The following VAT1L variants were observed in gnomAD, a reference collection of about 807,000 sequenced individuals.
VAT1L encodes the protein putative NADPH-dependent quinone oxidoreductase VAT1L.
A neutral mutation model predicts 44.1 loss-of-function variants in VAT1L; 34 were observed. The ratio of observed to expected loss-of-function variants is 0.77; its 90% CI spans 0.59 to 1.03. VAT1L has a LOEUF of 1.03. VAT1L is among the 50% of genes least tolerant of loss of function. The pLI, the probability that VAT1L is intolerant of heterozygous loss-of-function variation, is 0.00. For missense variants in VAT1L, 615 were observed against 538.8 expected, an observed-to-expected ratio of 1.14 and a Z score of -1.40; for synonymous variants, 253 against 202.2, an observed-to-expected ratio of 1.25 and a Z score of -2.13.
At chr16:77,880,010 G>C (rs1195526312) in intron 6 of VAT1L, among the ~76,000 whole-genome samples, 1 of 152,136 alleles carries the variant, frequency 6.6e-6, no homozygotes, top group Non-Finnish European at 1.5e-5. Flanking sequence ...ACAAGCTCAT[G>C]AACCACTCTC....
chr16:77,790,051 T>G (rs1366774865), intron 1 of VAT1L, among the ~76,000 whole-genome samples: 2 of 152,194 alleles, frequency 1.3e-5, no homozygotes, highest in Non-Finnish European at 2.9e-5. Flanking sequence ...GCTCACGAGC[T>G]TCTAGGTTAG....
intron 7 of VAT1L, among the ~76,000 whole-genome samples, chr16:77,908,038 A>G (rs143206073): frequency 1.1e-3 from 165 of 152,300 alleles, no homozygotes; most frequent in African/African-American, 3.8e-3. Context: ...CAGGAGATTG[A>G]GACCATCCTG....
chr16:77,902,427 T>C (rs1361699242), intron 7 of VAT1L, among the ~76,000 whole-genome samples: 1 of 152,192 alleles, frequency 6.6e-6, no homozygotes, highest in Non-Finnish European at 1.5e-5. Flanking sequence ...ATTCAGTCAC[T>C]AAGTATTCTT....
At chr16:77,903,197 T>G (rs2017402949) in intron 7 of VAT1L, among the ~76,000 whole-genome samples, 1 of 151,750 alleles carries the variant, frequency 6.6e-6, no homozygotes, top group Non-Finnish European at 1.5e-5. Context: ...TGAACCGGAG[T>G]TTTCTCACCT....
intron 7 of VAT1L, among the ~76,000 whole-genome samples, chr16:77,927,961 G>C (rs761164550): frequency 2.0e-4 from 31 of 152,138 alleles, no homozygotes; most frequent in Non-Finnish European, 3.2e-4. Context: ...CTCTCTTTCT[G>C]CATGGAAATC....
At chr16:77,837,155 A>G (rs188816500) in intron 3 of VAT1L, among the ~76,000 whole-genome samples, 14 of 152,242 alleles carry the variant, frequency 9.2e-5, no homozygotes, top group African/African-American at 1.2e-4. Context: ...AGTGAGATGG[A>G]AGGGATTTCA....
chr16:77,951,990 C>T (rs1264197116), intron 7 of VAT1L, among the ~76,000 whole-genome samples: 2 of 152,026 alleles, frequency 1.3e-5, no homozygotes, highest in South Asian at 2.1e-4. Flanking sequence ...TCCTAAAGGA[C>T]GTTTCAGGAA....
intron 1 of VAT1L, among the ~76,000 whole-genome samples, chr16:77,812,558 A>G (rs1179276414): frequency 6.6e-6 from 1 of 152,178 alleles, no homozygotes; most frequent in Non-Finnish European, 1.5e-5. Flanking sequence ...CTGAGGCTCA[A>G]TGTTCACATC....
intron 1 of VAT1L, among the ~76,000 whole-genome samples, chr16:77,815,759 G>T (rs1190409133): frequency 6.6e-6 from 1 of 151,716 alleles, no homozygotes; most frequent in African/African-American, 2.4e-5. Context: ...ACCTGAGTTA[G>T]GAGTTTGAGA....
At chr16:77,918,687 G>C (rs1400301295) in intron 7 of VAT1L, among the ~76,000 whole-genome samples, 1 of 152,262 alleles carries the variant, frequency 6.6e-6, no homozygotes, top group African/African-American at 2.4e-5. Context: ...CCCGGAAACT[G>C]TAAGTTTAAT....
chr16:77,809,263 A>G (rs2016221642), intron 1 of VAT1L, among the ~76,000 whole-genome samples: 1 of 152,232 alleles, frequency 6.6e-6, no homozygotes, highest in Non-Finnish European at 1.5e-5. Flanking sequence ...ACTCAACACC[A>G]TGCCTGATAC....
At chr16:77,796,835 A>G (rs1050587508) in intron 1 of VAT1L, among the ~76,000 whole-genome samples, 5 of 152,208 alleles carry the variant, frequency 3.3e-5, no homozygotes, top group Non-Finnish European at 5.9e-5. Flanking sequence ...GCAGCAACAT[A>G]GATGGAGATG....
chr16:77,938,833 TA>T (rs2017837816), intron 7 of VAT1L, among the ~76,000 whole-genome samples: 1 of 152,108 alleles, frequency 6.6e-6, no homozygotes, highest in African/African-American at 2.4e-5. Context: ...GGAAAGAAAA[TA>T]AGCAATAAAC....
At chr16:77,875,974 C>T (rs548987099) in intron 4 of VAT1L, among the ~76,000 whole-genome samples, 1 of 152,242 alleles carries the variant, frequency 6.6e-6, no homozygotes, top group Non-Finnish European at 1.5e-5. Flanking sequence ...TAGGAGTTGC[C>T]TGAGCCTCCC....
chr16:77,956,786 C>A (rs1025993238), intron 7 of VAT1L, among the ~76,000 whole-genome samples: 2 of 152,172 alleles, frequency 1.3e-5, no homozygotes, highest in Non-Finnish European at 2.9e-5. Context: ...CAAATAGAAT[C>A]GCTCTTTTAT....
In VAT1L at chr16:77,950,409, A is replaced by AACACACACACACACAC. The variant is rs61168492; in HGVS notation, c.1078-21409_1078-21394dup. ...GGGCGACAGAGCAAGATTCCATCTA[A>AACACACACACACACAC]ACACACACACACACACACACACACA... On this transcript the variant is annotated intron_variant, in intron 7 of 8. Coordinates refer to ENST00000302536, the MANE Select transcript of VAT1L (RefSeq NM_020927.3). Among the ~76,000 whole-genome samples, 847 of 131,432 alleles carry AACACACACACACACAC rather than the reference A, an allele frequency of 6.4e-3. 14 individuals carry two copies. The highest frequency in any genetic ancestry group is 0.015 in the African/African-American group (514 of 33,682). 86.2% of individuals were successfully genotyped at this position (131,432 alleles called of 152,430 possible).
chr16:77,931,789 C>G (rs2017734412), intron 7 of VAT1L, among the ~76,000 whole-genome samples: 1 of 152,200 alleles, frequency 6.6e-6, no homozygotes, highest in Non-Finnish European at 1.5e-5. Context: ...AATGCTAGCA[C>G]ATGCTAGAGT....
chr16:77,840,960 C>T (rs8052195), intron 3 of VAT1L, among the ~76,000 whole-genome samples: 7,721 of 152,294 alleles, frequency 0.051, 256 homozygotes, highest in East Asian at 0.11. Flanking sequence ...GCTTGTTATA[C>T]ACTTTTTCAC....
At chr16:77,961,069 A>C (rs1170515809) in intron 7 of VAT1L, among the ~76,000 whole-genome samples, 2 of 152,014 alleles carry the variant, frequency 1.3e-5, no homozygotes, top group African/African-American at 4.8e-5. Flanking sequence ...TTTTTGAATA[A>C]ATTTTTCTGA....
Sources: gnomAD v4.1 joint callset for allele counts (sites outside exome capture counted in the v4.1 genomes callset) on GRCh38, gnomAD v4.1.1 for gene constraint, MANE v1.5 for transcripts, NCBI Gene and HGNC (gene_info 2026-07-23, HGNC 2026-07-21) for gene names.